The following NRF1 variants were observed in gnomAD, a reference collection of about 807,000 sequenced individuals.
The protein encoded by NRF1 is nuclear respiratory factor 1, also known as alpha palindromic-binding protein.
In NRF1, 5 loss-of-function variants were observed where a neutral mutation model predicts 58.5. The observed-to-expected ratio is 0.09, with a 90% CI of 0.04 to 0.18. The LOEUF is 0.18. Ranked by LOEUF, NRF1 falls within the 10% of genes least tolerant of loss-of-function variation. The pLI is 1.00. For missense variants in NRF1, 288 were observed against 657.7 expected (o/e 0.44, Z 6.15); for synonymous variants, 224 against 246.7 (o/e 0.91, Z 0.86).
chr7:129,696,060 TAAA>T (rs11434445), intron 5 of NRF1, among the ~76,000 whole-genome samples: 1 of 53,384 alleles, frequency 1.9e-5, no homozygotes, highest in Non-Finnish European at 2.9e-5. Context: ...CCGTCTCTAC[TAAA>T]AAAAAAAAAA....
At chr7:129,678,233 A>G (rs1461980294) in intron 4 of NRF1, among the ~76,000 whole-genome samples, 1 of 152,202 alleles carries the variant, frequency 6.6e-6, no homozygotes, top group East Asian at 1.9e-4. Flanking sequence ...ACTATATTTG[A>G]ACATTTTGAT....
intron 10 of NRF1, among the ~76,000 whole-genome samples, chr7:129,748,452 C>T (rs1804035080): frequency 6.6e-6 from 1 of 152,002 alleles, no homozygotes; most frequent in Non-Finnish European, 1.5e-5. Flanking sequence ...CAGAGGCAAC[C>T]CCATGAACCA....
intron 9 of NRF1, among the ~76,000 whole-genome samples, chr7:129,718,956 A>C (rs188817015): frequency 2.6e-5 from 4 of 152,308 alleles, no homozygotes; most frequent in South Asian, 2.1e-4. Context: ...GCGGTGTCCA[A>C]CCTATAGTTA....
chr7:129,633,846 T>C (rs1340788569), intron 1 of NRF1: 1 of 151,426 alleles, frequency 6.6e-6, no homozygotes, highest in Non-Finnish European at 1.5e-5. Context: ...AATAAATATA[T>C]ATAAACTATA....
chr7:129,676,292 A>T (rs1219720766), intron 3 of NRF1, among the ~76,000 whole-genome samples: 1 of 152,248 alleles, frequency 6.6e-6, no homozygotes, highest in Non-Finnish European at 1.5e-5. Flanking sequence ...CAACGTGGCC[A>T]ACTGTTTGGC....
At chr7:129,744,157 T>G (rs1316456045) in intron 10 of NRF1, 2 of 1,510,190 alleles carry the variant, frequency 1.3e-6, no homozygotes, top group South Asian at 2.4e-5. Context: ...TTTTAACAGT[T>G]CTGTGTTATT....
In NRF1 at chr7:129,671,451, T is replaced by C; in HGVS notation, c.246T>C (p.Ala82=). Residue 82 remains alanine (A), a synonymous_variant, in exon 3 of 11, where the codon GCT becomes GCC. Transcript: ENST00000393232. ...AAAGPVGMAA[A]AAVATGKKRK... is the part of the protein sequence containing the mutation. Reference sequence around the variant, plus strand: ...CAGGTCCTGTGGGAATGGCCGCTGCTGCTGCTGTGGCAACAGGAAAGAAAC... The same window carrying C: ...CAGGTCCTGTGGGAATGGCCGCTGCCGCTGCTGTGGCAACAGGAAAGAAAC... 9 of 1,613,852 alleles carry C rather than the reference T, an allele frequency of 5.6e-6. No homozygotes were observed. Among genetic ancestry groups the C allele is most frequent in the Middle Eastern group, 1.6e-4 (1 of 6,062 alleles).
intron 8 of NRF1, among the ~76,000 whole-genome samples, chr7:129,714,399 C>T (rs1027514528): frequency 1.3e-5 from 2 of 152,180 alleles, no homozygotes; most frequent in African/African-American, 4.8e-5. Context: ...ATGGGCCAGA[C>T]TGAAATAGAG....
chr7:129,624,083 C>T (rs551796706), intron 1 of NRF1, among the ~76,000 whole-genome samples: 1 of 152,240 alleles, frequency 6.6e-6, no homozygotes, highest in South Asian at 2.1e-4. Context: ...TCCGAGAATA[C>T]AGAACCTGTG....
At chr7:129,635,974 A>G (rs1801161463) in intron 1 of NRF1, among the ~76,000 whole-genome samples, 1 of 151,792 alleles carries the variant, frequency 6.6e-6, no homozygotes, top group Admixed American at 6.6e-5. Flanking sequence ...AACACCTCTT[A>G]TTTTTCTAAC....
chr7:129,663,214 T>A (rs932246714), intron 2 of NRF1, among the ~76,000 whole-genome samples: 1 of 152,038 alleles, frequency 6.6e-6, no homozygotes, highest in Admixed American at 6.5e-5. Context: ...TTCCCCCTTT[T>A]CTTTTCGACA....
intron 10 of NRF1, among the ~76,000 whole-genome samples, chr7:129,743,190 AC>A (rs1375585838): frequency 2.1e-5 from 3 of 144,306 alleles, no homozygotes; most frequent in Non-Finnish European, 3.1e-5. Context: ...AAAAAAAAAA[AC>A]CTGAATTATA....
chr7:129,620,699 T>C (rs185819699), intron 1 of NRF1, among the ~76,000 whole-genome samples: 72 of 152,292 alleles, frequency 4.7e-4, no homozygotes, highest in Non-Finnish European at 8.8e-4. Context: ...ATTACTATTG[T>C]TTTAAAGGGA....
At chr7:129,635,006 T>A (rs1801137758) in intron 1 of NRF1, among the ~76,000 whole-genome samples, 1 of 152,208 alleles carries the variant, frequency 6.6e-6, no homozygotes, top group African/African-American at 2.4e-5. Flanking sequence ...TTACTCTCTT[T>A]ATCTTGCTTT....
At chr7:129,719,532 ACACACACACAC>A (rs1803269981) in intron 9 of NRF1, among the ~76,000 whole-genome samples, 1 of 102,456 alleles carries the variant, frequency 9.8e-6, no homozygotes. Flanking sequence ...ACACACACAC[ACACACACACAC>A]AACACATCTT....
intron 9 of NRF1, among the ~76,000 whole-genome samples, chr7:129,722,525 C>T (rs1015919422): frequency 2.0e-5 from 3 of 152,142 alleles, no homozygotes; most frequent in African/African-American, 7.2e-5. Flanking sequence ...TCATGCCCCA[C>T]GTAAAGACCT....
chr7:129,637,653 T>A (rs1444172695), intron 1 of NRF1, among the ~76,000 whole-genome samples: 1 of 152,198 alleles, frequency 6.6e-6, no homozygotes, highest in Non-Finnish European at 1.5e-5. Context: ...GAGACCACAC[T>A]CATTCTAGCA....
At chr7:129,728,054 A>G (rs1803489483) in intron 10 of NRF1, among the ~76,000 whole-genome samples, 2 of 152,338 alleles carry the variant, frequency 1.3e-5, no homozygotes, top group South Asian at 4.1e-4. Context: ...GTTGGTAAGG[A>G]GTCAGTTGGC....
At chr7:129,728,234 G>A (rs1803493760) in intron 10 of NRF1, among the ~76,000 whole-genome samples, 1 of 152,128 alleles carries the variant, frequency 6.6e-6, no homozygotes, top group Non-Finnish European at 1.5e-5. Context: ...GTCCTGGAAT[G>A]GGGCTGGGCA....
Sources: allele counts gnomAD v4.1 joint callset (sites outside exome capture counted in the v4.1 genomes callset), GRCh38; gene constraint gnomAD v4.1.1; transcripts MANE v1.5; gene names NCBI Gene and HGNC (gene_info 2026-07-23, HGNC 2026-07-21).